EPM2A: variants seen among roughly 807,000 people sequenced by gnomAD.
EPM2A encodes the protein EPM2A glucan phosphatase, laforin, also known as laforin.
A neutral mutation model predicts 26.5 loss-of-function variants in EPM2A; 21 were observed. The observed-to-expected ratio is 0.79, with a 90% CI of 0.56 to 1.14. EPM2A has a LOEUF of 1.14. Among genes scored for constraint, EPM2A ranks in the 50% most tolerant of loss-of-function variants. The pLI, the probability that EPM2A is intolerant of heterozygous loss-of-function variation, is 0.00. For missense variants in EPM2A, 458 were observed against 440.8 expected, an observed-to-expected ratio of 1.04 and a Z score of -0.35; for synonymous variants, 217 against 177.6, an observed-to-expected ratio of 1.22 and a Z score of -1.76.
Position 145,661,808 on chromosome 6 carries a change from T to C in EPM2A, c.476+24314A>G, listed in dbSNP as rs143598846. ...CTCTTGAAACCCCCTCAACTGTAAA[T>C]AACCATTACTCCGGCTGAGCATCTT... On this transcript the variant is annotated intron_variant, in intron 2 of 3. Transcript: ENST00000367519. Among the ~76,000 whole-genome samples, 446 of 152,300 alleles carry C rather than the reference T, an allele frequency of 2.9e-3. 1 individual carries two copies. Among genetic ancestry groups the C allele is most frequent in the African/African-American group, 0.01 (422 of 41,562 alleles).
intron 4 of EPM2A, among the ~76,000 whole-genome samples, chr6:145,406,515 G>A (rs552472667): frequency 1.2e-4 from 18 of 152,214 alleles, no homozygotes; most frequent in Non-Finnish European, 2.1e-4. Context: ...GCACTCTGGT[G>A]GATGTATATA....
chr6:145,695,960 T>C lies in EPM2A; in HGVS notation c.302-9664A>G, dbSNP rs1438951864. Among the ~76,000 whole-genome samples, 3 of 152,136 alleles carry C rather than the reference T, an allele frequency of 2.0e-5. No homozygotes were observed. The East Asian group carries it at 5.8e-4, about 29-fold the overall frequency. Reference sequence around the variant, plus strand: ...ACCAAATGGACCTAACAGAAATATATGGCAAAGAATACACATTCTTCCCAA... The same window carrying C: ...ACCAAATGGACCTAACAGAAATATACGGCAAAGAATACACATTCTTCCCAA... On this transcript the variant is annotated intron_variant, in intron 1 of 3. Coordinates refer to ENST00000367519, the MANE Select transcript of EPM2A (RefSeq NM_005670.4).
intron 4 of EPM2A, among the ~76,000 whole-genome samples, chr6:145,474,249 G>C (rs1357922946): frequency 1.3e-5 from 2 of 152,104 alleles, no homozygotes; most frequent in Non-Finnish European, 2.9e-5. Flanking sequence ...ATCACCTGAG[G>C]TCAGGAGTTT....
chr6:145,438,708 G>A lies in EPM2A; in HGVS notation c.556-54611C>T, dbSNP rs566076794. Among the ~76,000 whole-genome samples the A allele has an allele frequency of 3.9e-5, 6 of 152,074 alleles. No individual in the cohort carries two copies. The South Asian group carries it at 8.3e-4, about 21-fold the overall frequency. Reference sequence around the variant, plus strand: ...AGGCTGGTCTCAAACTCCTGACCTCGTGATCCACCCGCCTCAGCCTCCCAA... The same window carrying A: ...AGGCTGGTCTCAAACTCCTGACCTCATGATCCACCCGCCTCAGCCTCCCAA... On this transcript the variant is annotated intron_variant, in intron 4 of 4. Transcript: ENST00000638717.
At chr6:145,681,625 C>T (rs949382177) in intron 2 of EPM2A, among the ~76,000 whole-genome samples, 21 of 151,342 alleles carry the variant, frequency 1.4e-4, no homozygotes, top group African/African-American at 4.9e-4. Context: ...AGCCAGTTTT[C>T]CCAGCACCAT....
At chr6:145,391,937 C>A (rs1213777720) in intron 4 of EPM2A, among the ~76,000 whole-genome samples, 1 of 151,590 alleles carries the variant, frequency 6.6e-6, no homozygotes, top group Non-Finnish European at 1.5e-5. Context: ...TGGTGGGGGG[C>A]ATTTCAGCTT....
intron 2 of EPM2A, among the ~76,000 whole-genome samples, chr6:145,680,832 A>T (rs1323898783): frequency 1.3e-5 from 2 of 152,132 alleles, no homozygotes; most frequent in Admixed American, 1.3e-4. Flanking sequence ...TGCTATTGTG[A>T]ATAGTGCCGC....
chr6:145,401,233 A>G (rs1446053855), intron 4 of EPM2A, among the ~76,000 whole-genome samples: 1 of 152,170 alleles, frequency 6.6e-6, no homozygotes, highest in East Asian at 1.9e-4. Context: ...TAAGGAGAAA[A>G]TAAAAATATT....
intron 2 of EPM2A, among the ~76,000 whole-genome samples, chr6:145,522,143 G>A (rs1222102551): frequency 3.3e-5 from 5 of 152,020 alleles, no homozygotes; most frequent in African/African-American, 4.8e-5. Flanking sequence ...TAGAAGAGAC[G>A]GGGTTTCACC....
In EPM2A at chr6:145,410,898, A is replaced by C. The variant is rs143941568; in HGVS notation, c.556-26801T>G. The stretch of plus-strand genomic sequence containing the variant: ...TCTTAGAAAGCTGTGGGCCCATTAA[A>C]AATAATTCTTGTTATTGTTATGAAT... On this transcript the variant is annotated intron_variant, in intron 4 of 4. Coordinates refer to the EPM2A transcript ENST00000638717. Among the ~76,000 whole-genome samples, 26 of 152,354 alleles carry C rather than the reference A, an allele frequency of 1.7e-4. No individual in the cohort carries two copies. The East Asian group carries it at 4.6e-3, about 27-fold the overall frequency.
chr6:145,624,358 G>T (rs374942998), downstream of EPM2A, among the ~76,000 whole-genome samples: 35 of 152,138 alleles, frequency 2.3e-4, no homozygotes, highest in East Asian at 2.3e-3. Context: ...AAAAGACACT[G>T]GTCTTTGCTT....
At chr6:145,546,255 G>A (rs538050634) in intron 2 of EPM2A, among the ~76,000 whole-genome samples, 8 of 152,154 alleles carry the variant, frequency 5.3e-5, no homozygotes, top group Non-Finnish European at 8.8e-5. Flanking sequence ...AAGTTCCAGA[G>A]TACAAAGTCT....
At chr6:145,392,592 G>T (rs1004606670) in intron 4 of EPM2A, among the ~76,000 whole-genome samples, 1 of 152,006 alleles carries the variant, frequency 6.6e-6, no homozygotes, top group African/African-American at 2.4e-5. Context: ...CAAATTACAG[G>T]GGGCCACCAG....
At chr6:145,508,180 C>A (rs1000429185) in intron 2 of EPM2A, among the ~76,000 whole-genome samples, 2 of 152,186 alleles carry the variant, frequency 1.3e-5, no homozygotes, top group African/African-American at 4.8e-5. Context: ...GTCGACATGA[C>A]AAAAGGTCTT....
At chr6:145,475,447 A>T (rs544227924) in intron 4 of EPM2A, among the ~76,000 whole-genome samples, 1 of 152,192 alleles carries the variant, frequency 6.6e-6, no homozygotes, top group Admixed American at 6.5e-5. Context: ...ACAACATCAC[A>T]CACTGGGGCC....
chr6:145,540,557 G>A (rs2114793715), intron 2 of EPM2A, among the ~76,000 whole-genome samples: 1 of 152,222 alleles, frequency 6.6e-6, no homozygotes, highest in Middle Eastern at 3.4e-3. Context: ...GAGCAGGAAA[G>A]GATCTTACCG....
intron 1 of EPM2A, among the ~76,000 whole-genome samples, chr6:145,703,935 A>G (rs1364926456): frequency 3.3e-5 from 5 of 152,238 alleles, no homozygotes; most frequent in Non-Finnish European, 5.9e-5. Context: ...AGGATAAAAT[A>G]GGCATCACTG....
intron 2 of EPM2A, among the ~76,000 whole-genome samples, chr6:145,525,947 T>C (rs79520444): frequency 0.052 from 7,878 of 152,156 alleles, 297 homozygotes; most frequent in Non-Finnish European, 0.081. Context: ...ATGACTCTTA[T>C]TACTTTGAGT....
intron 2 of EPM2A, among the ~76,000 whole-genome samples, chr6:145,607,977 C>G (rs1162128455): frequency 2.6e-5 from 4 of 152,216 alleles, no homozygotes; most frequent in Admixed American, 1.3e-4. Context: ...GTCCTTAACA[C>G]TCTGTCACTG....
Sources: gnomAD v4.1 joint callset for allele counts (sites outside exome capture counted in the v4.1 genomes callset) on GRCh38, gnomAD v4.1.1 for gene constraint, MANE v1.5 for transcripts, NCBI Gene and HGNC (gene_info 2026-07-23, HGNC 2026-07-21) for gene names.